MAP4K5: variants seen among roughly 807,000 people sequenced by gnomAD.
The protein encoded by MAP4K5 is MAPK/ERK kinase kinase kinase 5.
A neutral mutation model predicts 135.6 loss-of-function variants in MAP4K5; 82 were observed. That is an observed-to-expected ratio of 0.60 (90% CI 0.51 to 0.73). The LOEUF (loss-of-function observed/expected upper bound fraction) is 0.73, where lower values mean the gene tolerates loss of function less well. Among genes scored for constraint, MAP4K5 ranks in the 30% least tolerant of loss-of-function variants. MAP4K5 has a pLI of 0.00. For missense variants in MAP4K5, 907 were observed against 1,010.9 expected (o/e 0.90, Z 1.39); for synonymous variants, 347 against 335.0 (o/e 1.04, Z -0.39).
At chr14:50,549,882 A>G (rs12587721) in intron 1 of MAP4K5, among the ~76,000 whole-genome samples, 128,104 of 152,216 alleles carry the variant, frequency 0.84, 55,820 homozygotes, top group Non-Finnish European at 0.94. Flanking sequence ...CCACTAACAC[A>G]CTTGGCATCA....
intron 3 of MAP4K5, among the ~76,000 whole-genome samples, chr14:50,502,972 T>C (rs562786112): frequency 5.9e-5 from 9 of 151,660 alleles, no homozygotes; most frequent in African/African-American, 2.2e-4. Context: ...CTGGAAGAAA[T>C]TACAGTTCAA....
At chr14:50,482,035 A>G (rs923098572) in intron 6 of MAP4K5, among the ~76,000 whole-genome samples, 2 of 152,238 alleles carry the variant, frequency 1.3e-5, no homozygotes, top group African/African-American at 4.8e-5. Context: ...TTGAAAACCA[A>G]TTTACACAAC....
At chr14:50,534,681 G>A (rs1363758415), upstream of MAP4K5, among the ~76,000 whole-genome samples, 4 of 152,192 alleles carry the variant, frequency 2.6e-5, no homozygotes, top group Admixed American at 2.6e-4. Context: ...GACTCTATGT[G>A]GTGGTTAAAA....
chr14:50,497,697 G>A (rs530829234), intron 3 of MAP4K5, among the ~76,000 whole-genome samples: 43 of 152,216 alleles, frequency 2.8e-4, no homozygotes, highest in African/African-American at 9.9e-4. Context: ...CAAGTCCAAG[G>A]AAAGCTTTAA....
At chr14:50,518,084 CAT>C (rs1179688388) in intron 2 of MAP4K5, among the ~76,000 whole-genome samples, 3 of 151,924 alleles carry the variant, frequency 2.0e-5, no homozygotes, top group South Asian at 2.1e-4. Flanking sequence ...ATTTTAGATC[CAT>C]ATAAGAAAGT....
At chr14:50,536,143 A>G (rs746834032), upstream of MAP4K5, among the ~76,000 whole-genome samples, 7 of 152,230 alleles carry the variant, frequency 4.6e-5, no homozygotes, top group Non-Finnish European at 7.3e-5. Context: ...GCATGAAAAC[A>G]GACTAATACA....
chr14:50,504,819 T>C lies in MAP4K5; in HGVS notation c.147A>G (p.Lys49=). Residue 49 remains lysine, a synonymous_variant, in exon 3 of 33, where the codon AAA becomes AAG. Transcript: ENST00000682126. The part of the protein sequence containing the change: ...NVHTGELAAV[K]IIKLEPGDDF... ...ACATACCAGGCTCCAATTTAATGAT[T>C]TTTACTGCAGCCAGCTCTCCTGTGT... 1 of 1,557,842 alleles carries C rather than the reference T, an allele frequency of 6.4e-7. No homozygotes were observed. Among genetic ancestry groups the C allele is most frequent in the Admixed American group, 1.9e-5 (1 of 52,112 alleles).
intron 32 of MAP4K5, among the ~76,000 whole-genome samples, chr14:50,421,692 A>G (rs1422735335): frequency 4.6e-5 from 7 of 151,952 alleles, no homozygotes; most frequent in Non-Finnish European, 1.0e-4. Context: ...GTAGTTTTTC[A>G]GAGCAAATAG....
chr14:50,445,255 G>A (rs2036319699), intron 17 of MAP4K5, 61 bp from the exon 18 acceptor site: 1 of 1,508,374 alleles, frequency 6.6e-7, no homozygotes, highest in African/African-American at 1.4e-5. Context: ...GAGTCTTTAG[G>A]GAAAGGGAAA....
chr14:50,521,250 G>A (rs543145261), intron 2 of MAP4K5, among the ~76,000 whole-genome samples: 25 of 152,310 alleles, frequency 1.6e-4, no homozygotes, highest in South Asian at 1.0e-3. Context: ...AAAGTTTTAC[G>A]TATTGAAATC....
At position 50,439,333 on chromosome 14, in the gene MAP4K5, T is replaced by TA. The variant is rs377755870; in HGVS notation, c.1705+679dup. Among the ~76,000 whole-genome samples the TA allele has an allele frequency of 8.0e-3, 724 of 90,328 alleles. 2 individuals carry two copies. The highest frequency in any genetic ancestry group is 0.012 in the Non-Finnish European group (516 of 41,692). 59.3% of individuals were successfully genotyped at this position (90,328 alleles called of 152,430 possible). On this transcript the variant is annotated intron_variant, in intron 23 of 32. Coordinates refer to ENST00000682126, the MANE Select transcript of MAP4K5 (RefSeq NM_006575.6). ...AAATATTTTTTTCATAGGTAAGAAT[T>TA]AAAAAAAAAAAAAAAAAGCCTAAAA...
intron 2 of MAP4K5, chr14:50,505,105 A>G (rs143513539): frequency 1.2e-5 from 4 of 342,954 alleles, no homozygotes; most frequent in Non-Finnish European, 2.1e-5. Flanking sequence ...AATTTGGTCT[A>G]CTTCCTCCAA....
intron 3 of MAP4K5, among the ~76,000 whole-genome samples, chr14:50,487,019 A>AT (rs1196437595): frequency 6.6e-6 from 1 of 152,200 alleles, no homozygotes; most frequent in Non-Finnish European, 1.5e-5. Context: ...AGTCAGAGAT[A>AT]TTTTTTCCCT....
intron 21 of MAP4K5, 69 bp downstream of exon 21, chr14:50,442,663 A>T: frequency 9.1e-7 from 1 of 1,093,144 alleles, no homozygotes; most frequent in Non-Finnish European, 1.4e-6. Flanking sequence ...ACTTCAAGTC[A>T]CTGATCATAA....
At chr14:50,501,526 G>A (rs1424234490) in intron 3 of MAP4K5, among the ~76,000 whole-genome samples, 1 of 151,750 alleles carries the variant, frequency 6.6e-6, no homozygotes, top group African/African-American at 2.4e-5. Context: ...ATTAAAAAAA[G>A]AAAAATTCAG....
At chr14:50,447,883 G>T (rs983719123) in intron 15 of MAP4K5, among the ~76,000 whole-genome samples, 7 of 86,754 alleles carry the variant, frequency 8.1e-5, no homozygotes, top group African/African-American at 2.6e-4. Flanking sequence ...ATGGAAACTG[G>T]GGTTTTATCA....
intron 14 of MAP4K5, among the ~76,000 whole-genome samples, chr14:50,450,903 A>C (rs1412721020): frequency 6.6e-6 from 1 of 152,226 alleles, no homozygotes; most frequent in Non-Finnish European, 1.5e-5. Context: ...ACAACCAAAG[A>C]AGCTAGAAAA....
At chr14:50,526,413 C>T (rs1321357466) in intron 2 of MAP4K5, among the ~76,000 whole-genome samples, 1 of 152,142 alleles carries the variant, frequency 6.6e-6, no homozygotes, top group Non-Finnish European at 1.5e-5. Context: ...AATTCTCTTG[C>T]CTCTCCCAAG....
chr14:50,461,207 T>TC (rs1026101449), intron 13 of MAP4K5, among the ~76,000 whole-genome samples: 6 of 151,924 alleles, frequency 3.9e-5, no homozygotes, highest in African/African-American at 1.4e-4. Flanking sequence ...TGTATTTTTT[T>TC]CAAGTAGAGA....
Sources: allele counts gnomAD v4.1 joint callset (sites outside exome capture counted in the v4.1 genomes callset), GRCh38; gene constraint gnomAD v4.1.1; transcripts MANE v1.5; gene names NCBI Gene and HGNC (gene_info 2026-07-23, HGNC 2026-07-21).